Variants in CLIC5 observed in about 807,000 individuals in gnomAD.
CLIC5 encodes the protein CLIC family member 5.
A neutral mutation model predicts 24.7 loss-of-function variants in CLIC5; 20 were observed. The ratio of observed to expected loss-of-function variants is 0.81; its 90% CI spans 0.57 to 1.18. The LOEUF (loss-of-function observed/expected upper bound fraction) is 1.18, where lower values mean the gene tolerates loss of function less well. Among genes scored for constraint, CLIC5 ranks in the 50% most tolerant of loss-of-function variants. The pLI is 0.00. For synonymous variants in CLIC5, 159 were observed against 135.6 expected (o/e 1.17, Z -1.20); for missense variants, 341 against 326.1 (o/e 1.05, Z -0.35).
chr6:46,098,126 G>A, the CLIC5 span, among the ~76,000 whole-genome samples: 1 of 152,264 alleles, frequency 6.6e-6, no homozygotes, highest in Non-Finnish European at 1.5e-5. Context: ...CTAGGTCTTC[G>A]ATTTCTAAAA....
exon 1 of CLIC5, chr6:46,080,199 T>G: frequency 6.4e-7 from 1 of 1,551,694 alleles, no homozygotes; most frequent in Non-Finnish European, 8.7e-7. Flanking sequence ...CGTCCTCTCA[T>G]TTTGGATTGT....
At chr6:46,101,921 A>C in the CLIC5 span, among the ~76,000 whole-genome samples, 1 of 151,020 alleles carries the variant, frequency 6.6e-6, no homozygotes, top group African/African-American at 2.4e-5. Flanking sequence ...GGGGGAAAAA[A>C]TATTTTAGGC....
chr6:46,058,640 G>T (rs1261487298), intron 1 of CLIC5, among the ~76,000 whole-genome samples: 5 of 152,220 alleles, frequency 3.3e-5, no homozygotes, highest in African/African-American at 1.2e-4. Context: ...CTGGGGACCA[G>T]AGAAGTCTTT....
At chr6:46,067,544 C>T (rs1312013231) in intron 1 of CLIC5, among the ~76,000 whole-genome samples, 6 of 152,174 alleles carry the variant, frequency 3.9e-5, no homozygotes, top group Admixed American at 2.6e-4. Flanking sequence ...AACAAGGATG[C>T]ACTGAATTAG....
At chr6:45,891,827 G>A (rs1762350906) in intron 6 of CLIC5, among the ~76,000 whole-genome samples, 1 of 151,964 alleles carries the variant, frequency 6.6e-6, no homozygotes, top group African/African-American at 2.4e-5. Context: ...TTCTTTTACT[G>A]TGTATGTGTT....
chr6:46,069,295 T>C (rs1295575013), intron 1 of CLIC5, among the ~76,000 whole-genome samples: 1 of 152,014 alleles, frequency 6.6e-6, no homozygotes, highest in Non-Finnish European at 1.5e-5. Context: ...ATCAGGGGAA[T>C]GGCATGGTCT....
intron 1 of CLIC5, among the ~76,000 whole-genome samples, chr6:46,034,908 T>A (rs1355042130): frequency 6.6e-6 from 1 of 152,220 alleles, no homozygotes; most frequent in Non-Finnish European, 1.5e-5. Context: ...GGGACCGTAA[T>A]AGCTGTATGG....
intron 1 of CLIC5, among the ~76,000 whole-genome samples, chr6:45,970,657 C>T (rs999380786): frequency 6.6e-6 from 1 of 152,146 alleles, no homozygotes; most frequent in African/African-American, 2.4e-5. Context: ...TTTTTCCAAG[C>T]CCTACCATAT....
At position 45,929,924 on chromosome 6, in the gene CLIC5, A is replaced by AG. The variant is rs1763661478; in HGVS notation, c.406+11622dup. Among the ~76,000 whole-genome samples the AG allele has an allele frequency of 2.6e-5, 4 of 151,820 alleles. No homozygotes were observed. In the South Asian group the frequency reaches 6.3e-4, roughly 24 times the overall value. ...TGGCAGAGCACAAGGCAGAATGAGA[A>AG]GGGGGGTGCCGCATCCATCCCCTGG... On this transcript the variant is annotated intron_variant, in intron 4 of 5. Coordinates refer to ENST00000339561, the MANE Select transcript of CLIC5 (RefSeq NM_016929.5).
chr6:45,923,978 T>C (rs551980833), intron 4 of CLIC5, among the ~76,000 whole-genome samples: 18 of 152,076 alleles, frequency 1.2e-4, no homozygotes, highest in Non-Finnish European at 2.1e-4. Context: ...CTGGGAGCAA[T>C]AATTGAGTCA....
intron 5 of CLIC5, chr6:45,912,126 C>T: frequency 1.0e-6 from 1 of 986,354 alleles, no homozygotes; most frequent in Non-Finnish European, 1.2e-6. Context: ...ACAGTTAGCT[C>T]CCACAGCCCA....
intron 5 of CLIC5, among the ~76,000 whole-genome samples, chr6:45,911,080 T>C (rs774800332): frequency 2.6e-4 from 39 of 152,310 alleles, no homozygotes; most frequent in Middle Eastern, 6.8e-3. Context: ...TCACCGACAT[T>C]CAGCTCTGCA....
chr6:46,007,629 A>C (rs921197517), intron 1 of CLIC5, among the ~76,000 whole-genome samples: 1 of 152,198 alleles, frequency 6.6e-6, no homozygotes, highest in African/African-American at 2.4e-5. Flanking sequence ...TAGCAATGGC[A>C]AAAACAGCAG....
rs576381434 is a variant in CLIC5, at chr6:45,886,677, G to A, written c.624-5489C>T. Among the ~76,000 whole-genome samples the A allele has an allele frequency of 2.1e-4, 32 of 152,318 alleles. No homozygotes were observed. The South Asian group carries it at 5.6e-3, about 27-fold the overall frequency. ...AAGTAAGTCCTCCAGGTGGTCTTCA[G>A]ACAAATGGTTTTGAAAATGGGTATC... is the stretch of plus-strand genomic sequence containing the variant. On this transcript the variant is annotated intron_variant, in intron 6 of 6. Coordinates refer to the CLIC5 transcript ENST00000644324.
At chr6:46,004,616 G>A (rs1475359258) in intron 1 of CLIC5, among the ~76,000 whole-genome samples, 2 of 152,162 alleles carry the variant, frequency 1.3e-5, no homozygotes, top group Non-Finnish European at 2.9e-5. Flanking sequence ...GACCTATACC[G>A]ACCAAGGCAG....
the CLIC5 span, among the ~76,000 whole-genome samples, chr6:46,108,641 A>T: frequency 1.3e-5 from 2 of 151,950 alleles, no homozygotes; most frequent in Non-Finnish European, 1.5e-5. Flanking sequence ...AAGGTGATCT[A>T]CCAGCCTTGA....
At chr6:46,105,424 G>A in the CLIC5 span, among the ~76,000 whole-genome samples, 4 of 152,196 alleles carry the variant, frequency 2.6e-5, no homozygotes, top group East Asian at 5.8e-4. Flanking sequence ...GCTTTTTAAG[G>A]CCCGTTTGGG....
At chr6:45,924,491 T>C (rs1222136211) in intron 4 of CLIC5, among the ~76,000 whole-genome samples, 2 of 152,172 alleles carry the variant, frequency 1.3e-5, no homozygotes, top group East Asian at 3.9e-4. Context: ...TTTTACTACA[T>C]GAGTCTTGCA....
At chr6:46,052,719 C>T (rs1003966237) in intron 1 of CLIC5, among the ~76,000 whole-genome samples, 1 of 152,076 alleles carries the variant, frequency 6.6e-6, no homozygotes. Context: ...CATCCCAGCT[C>T]TGTGCAGTGC....
Sources: allele counts gnomAD v4.1 joint callset (sites outside exome capture counted in the v4.1 genomes callset), GRCh38; gene constraint gnomAD v4.1.1; transcripts MANE v1.5; gene names NCBI Gene and HGNC (gene_info 2026-07-23, HGNC 2026-07-21).